The following ZFPM2 variants were observed in gnomAD, a reference collection of about 807,000 sequenced individuals.
ZFPM2 encodes the protein zinc finger protein, FOG family member 2.
In ZFPM2, 20 loss-of-function variants were observed where a neutral mutation model predicts 98.6. The observed-to-expected ratio is 0.20, with a 90% CI of 0.14 to 0.29. The LOEUF (loss-of-function observed/expected upper bound fraction) is 0.29. ZFPM2 is among the 10% of genes least tolerant of loss of function. The pLI is 1.00. For missense variants in ZFPM2, 1,310 were observed against 1,388.6 expected (o/e 0.94, Z 0.90); for synonymous variants, 518 against 502.7 (o/e 1.03, Z -0.41).
intron 5 of ZFPM2, among the ~76,000 whole-genome samples, chr8:105,755,836 C>T (rs1812584852): frequency 6.6e-6 from 1 of 151,988 alleles, no homozygotes; most frequent in African/African-American, 2.4e-5. Flanking sequence ...TGTGTTTCCC[C>T]GAGGTAATTT....
At chr8:105,724,935 G>GA (rs962731965) in intron 5 of ZFPM2, among the ~76,000 whole-genome samples, 1 of 150,990 alleles carries the variant, frequency 6.6e-6, no homozygotes, top group African/African-American at 2.4e-5. Context: ...TATATTTATT[G>GA]AAAAAAATCC....
intron 7 of ZFPM2, among the ~76,000 whole-genome samples, chr8:105,799,327 A>G (rs1035999478): frequency 1.3e-5 from 2 of 152,244 alleles, no homozygotes; most frequent in Admixed American, 1.3e-4. Context: ...AAGAAATAAT[A>G]GGTACATAAA....
intron 2 of ZFPM2, among the ~76,000 whole-genome samples, chr8:105,436,248 G>A (rs746373035): frequency 6.6e-6 from 1 of 152,148 alleles, no homozygotes; most frequent in Non-Finnish European, 1.5e-5. Context: ...GCCTGGGCGC[G>A]GTGGCTCACA....
chr8:105,501,056 C>T (rs1221705475), intron 3 of ZFPM2, among the ~76,000 whole-genome samples: 2 of 152,074 alleles, frequency 1.3e-5, no homozygotes, highest in African/African-American at 4.8e-5. Context: ...GACAATTGTA[C>T]TTATTGTCAC....
At chr8:105,719,321 C>T (rs1397207402) in intron 5 of ZFPM2, among the ~76,000 whole-genome samples, 2 of 151,868 alleles carry the variant, frequency 1.3e-5, no homozygotes, top group Admixed American at 6.6e-5. Context: ...TTTCACTCCT[C>T]TTGTAAGTGA....
chr8:105,399,763 T>C (rs1289309707), intron 1 of ZFPM2, among the ~76,000 whole-genome samples: 1 of 152,120 alleles, frequency 6.6e-6, no homozygotes, highest in African/African-American at 2.4e-5. Context: ...TTTAGATTTG[T>C]GATACTTGTT....
intron 5 of ZFPM2, among the ~76,000 whole-genome samples, chr8:105,656,876 T>C (rs1271163883): frequency 1.3e-5 from 2 of 152,196 alleles, no homozygotes; most frequent in African/African-American, 4.8e-5. Flanking sequence ...TTCTAGAATA[T>C]AGTCCCAGGA....
At chr8:105,755,103 G>T (rs1401118259) in intron 5 of ZFPM2, among the ~76,000 whole-genome samples, 1 of 152,072 alleles carries the variant, frequency 6.6e-6, no homozygotes, top group Non-Finnish European at 1.5e-5. Flanking sequence ...TGGCAAAATA[G>T]GGAAAACCTT....
intron 5 of ZFPM2, among the ~76,000 whole-genome samples, chr8:105,652,319 G>T (rs894441459): frequency 1.4e-5 from 2 of 145,390 alleles, no homozygotes; most frequent in Non-Finnish European, 3.0e-5. Context: ...AAATTAAAAC[G>T]TCACCTTATA....
intron 5 of ZFPM2, among the ~76,000 whole-genome samples, chr8:105,646,037 T>C (rs1817034772): frequency 7.6e-6 from 1 of 131,584 alleles, no homozygotes; most frequent in African/African-American, 2.9e-5. Context: ...GGCAACAGAG[T>C]GAGACTCCAT....
rs1397382814 is a variant in ZFPM2 at position 105,472,159 on chromosome 8, GTA to G, written c.301+27779_301+27780del. ...ATGATAAAAAAGTAGATCTTAGTCA[GTA>G]CACCAATATGCTTTCAAAGAATCAA... On this transcript the variant is annotated intron_variant, in intron 3 of 7. Coordinates refer to ENST00000407775, the MANE Select transcript of ZFPM2 (RefSeq NM_012082.4). Among the ~76,000 whole-genome samples the G allele has an allele frequency of 1.1e-4, 17 of 152,264 alleles. No individual in the cohort carries two copies. The South Asian group carries it at 3.3e-3, about 30-fold the overall frequency.
chr8:105,655,234 T>A (rs992528037), intron 5 of ZFPM2, among the ~76,000 whole-genome samples: 4 of 144,532 alleles, frequency 2.8e-5, no homozygotes, highest in Non-Finnish European at 4.5e-5. Flanking sequence ...TTTTTTTTTT[T>A]TTTTTTTTTT....
At chr8:105,685,316 G>C (rs1810706638) in intron 5 of ZFPM2, among the ~76,000 whole-genome samples, 1 of 152,074 alleles carries the variant, frequency 6.6e-6, no homozygotes, top group Non-Finnish European at 1.5e-5. Flanking sequence ...TTTACAGTCA[G>C]TTCACTAAGC....
At chr8:105,450,303 C>G (rs567291497) in intron 3 of ZFPM2, among the ~76,000 whole-genome samples, 11 of 152,224 alleles carry the variant, frequency 7.2e-5, no homozygotes, top group African/African-American at 2.6e-4. Context: ...TTTTCCCCCT[C>G]TTTACTAGTC....
At chr8:105,401,058 T>G (rs898663663) in intron 1 of ZFPM2, among the ~76,000 whole-genome samples, 1 of 152,004 alleles carries the variant, frequency 6.6e-6, no homozygotes, top group African/African-American at 2.4e-5. Context: ...ATATTTGGTT[T>G]CTACTTCTAG....
intron 4 of ZFPM2, among the ~76,000 whole-genome samples, chr8:105,605,574 T>G (rs1335217825): frequency 6.6e-6 from 1 of 152,116 alleles, no homozygotes; most frequent in Non-Finnish European, 1.5e-5. Context: ...GTAAATTTCT[T>G]GCAATTAACT....
At chr8:105,624,880 A>G (rs1407893517) in intron 4 of ZFPM2, among the ~76,000 whole-genome samples, 2 of 152,188 alleles carry the variant, frequency 1.3e-5, no homozygotes, top group Non-Finnish European at 2.9e-5. Context: ...TATGGACATA[A>G]TAGCCAAGAA....
chr8:105,333,638 A>C (rs971796709), intron 1 of ZFPM2, among the ~76,000 whole-genome samples: 3 of 151,704 alleles, frequency 2.0e-5, no homozygotes, highest in Non-Finnish European at 3.0e-5. Context: ...TGCTCATTAC[A>C]GCATGGTTTC....
chr8:105,455,920 A>G (rs1396991498), intron 3 of ZFPM2, among the ~76,000 whole-genome samples: 1 of 152,144 alleles, frequency 6.6e-6, no homozygotes, highest in Admixed American at 6.6e-5. Flanking sequence ...TCTGGGGTAG[A>G]GATAGAAATT....
Sources: gnomAD v4.1 joint callset for allele counts (sites outside exome capture counted in the v4.1 genomes callset) on GRCh38, gnomAD v4.1.1 for gene constraint, MANE v1.5 for transcripts, NCBI Gene and HGNC (gene_info 2026-07-23, HGNC 2026-07-21) for gene names.